The following ZEB1 variants were observed in gnomAD, a reference collection of about 807,000 sequenced individuals.
ZEB1 encodes the protein zinc finger E-box binding homeobox 1.
In ZEB1, 21 loss-of-function variants were observed where a neutral mutation model predicts 84.9. That is an observed-to-expected ratio of 0.25 (90% CI 0.18 to 0.36). The LOEUF is 0.36. Among genes scored for constraint, ZEB1 ranks in the 10% least tolerant of loss-of-function variants. The probability of loss-of-function intolerance (pLI) is 1.00; values close to 1 mark genes in which losing one functional copy is unlikely to be tolerated. For missense variants in ZEB1, 1,104 were observed against 1,330.2 expected (o/e 0.83, Z 2.65); for synonymous variants, 420 against 471.1 (o/e 0.89, Z 1.41).
At chr10:31,404,430 A>T (rs951142880) in intron 1 of ZEB1, among the ~76,000 whole-genome samples, 1 of 152,146 alleles carries the variant, frequency 6.6e-6, no homozygotes, top group East Asian at 1.9e-4. Context: ...GAAATCATTT[A>T]AAAAATATGT....
chr10:31,364,918 G>A (rs4016975), intron 1 of ZEB1, among the ~76,000 whole-genome samples: 1 of 152,134 alleles, frequency 6.6e-6, no homozygotes, highest in Non-Finnish European at 1.5e-5. Context: ...TTCAACATAC[G>A]AGTTGACCAT....
intron 1 of ZEB1, among the ~76,000 whole-genome samples, chr10:31,413,151 TA>T (rs2054608651): frequency 6.6e-6 from 1 of 152,152 alleles, no homozygotes; most frequent in East Asian, 1.9e-4. Flanking sequence ...ATATTAACTG[TA>T]AAAATGAAGT....
intron 1 of ZEB1, among the ~76,000 whole-genome samples, chr10:31,369,249 GA>G (rs1020775131): frequency 6.6e-5 from 10 of 151,900 alleles, no homozygotes; most frequent in African/African-American, 2.4e-4. Context: ...TTATTATTTT[GA>G]AATACTTAAA....
chr10:31,469,858 G>A (rs2062963245), intron 2 of ZEB1, among the ~76,000 whole-genome samples: 1 of 152,208 alleles, frequency 6.6e-6, no homozygotes, highest in African/African-American at 2.4e-5. Context: ...GTACGCAGCT[G>A]GAGATCTGAG....
At chr10:31,425,657 A>G (rs1591126973) in intron 1 of ZEB1, among the ~76,000 whole-genome samples, 1 of 152,260 alleles carries the variant, frequency 6.6e-6, no homozygotes, top group East Asian at 1.9e-4. Flanking sequence ...AGCATTAGTC[A>G]CCCACAAATT....
chr10:31,456,028 C>A (rs193157062), intron 1 of ZEB1, among the ~76,000 whole-genome samples: 172 of 152,260 alleles, frequency 1.1e-3, no homozygotes, highest in African/African-American at 4.0e-3. Flanking sequence ...CAATAATAGA[C>A]TGGATAAAGA....
At chr10:31,495,355 A>G (rs2067072293) in intron 2 of ZEB1, among the ~76,000 whole-genome samples, 1 of 152,084 alleles carries the variant, frequency 6.6e-6, no homozygotes, top group Non-Finnish European at 1.5e-5. Flanking sequence ...CAGTTTGCTT[A>G]TAATCCTAAA....
chr10:31,338,242 CATTTT>C (rs1408149854), intron 1 of ZEB1, among the ~76,000 whole-genome samples: 4 of 152,108 alleles, frequency 2.6e-5, no homozygotes, highest in Admixed American at 2.6e-4. Flanking sequence ...AGAATATTTA[CATTTT>C]ATTTTGTTTA....
At chr10:31,478,297 A>G (rs764050988) in intron 2 of ZEB1, among the ~76,000 whole-genome samples, 2 of 152,104 alleles carry the variant, frequency 1.3e-5, no homozygotes, top group Non-Finnish European at 2.9e-5. Flanking sequence ...TTGAAGCCAC[A>G]ATGAGATATT....
chr10:31,484,223 C>T (rs1422974822), intron 2 of ZEB1, among the ~76,000 whole-genome samples: 1 of 151,950 alleles, frequency 6.6e-6, no homozygotes, highest in East Asian at 1.9e-4. Context: ...CTGCAAAGTC[C>T]ATTTCACCAT....
At chr10:31,462,038 G>A (rs180965626) in intron 2 of ZEB1, among the ~76,000 whole-genome samples, 2 of 152,162 alleles carry the variant, frequency 1.3e-5, no homozygotes, top group Admixed American at 6.5e-5. Flanking sequence ...GCAATAAATC[G>A]AATCCAAGAC....
In ZEB1 at chr10:31,320,037, C is replaced by T. The variant is rs867847502; in HGVS notation, c.58+745C>T. On this transcript the variant is annotated intron_variant, in intron 1 of 8. Coordinates refer to ENST00000424869, the MANE Select transcript of ZEB1 (RefSeq NM_001174096.2). ...GGGACCCGCGGGCCGGGCGCGCTCG[C>T]GTAACGGGGATTAGAGGCGCGGGGG... 16 of 151,520 alleles carry T rather than the reference C, an allele frequency of 1.1e-4. 1 individual carries two copies. The South Asian group carries it at 3.2e-3, about 31-fold the overall frequency. The allele number at this position is 151,520 out of a possible 1,614,324, so 9.4% of individuals were successfully genotyped here.
At chr10:31,362,326 G>A (rs575964435) in intron 1 of ZEB1, among the ~76,000 whole-genome samples, 17 of 150,388 alleles carry the variant, frequency 1.1e-4, no homozygotes, top group Middle Eastern at 7.2e-3. Flanking sequence ...CGGACGGGGC[G>A]GTGGCCGAGC....
intron 1 of ZEB1, among the ~76,000 whole-genome samples, chr10:31,365,520 C>T (rs2044294257): frequency 6.6e-6 from 1 of 152,002 alleles, no homozygotes; most frequent in African/African-American, 2.4e-5. Flanking sequence ...CTGTACATAC[C>T]TTTTATTTAA....
intron 1 of ZEB1, among the ~76,000 whole-genome samples, chr10:31,420,601 C>T (rs1564797835): frequency 6.6e-6 from 1 of 152,152 alleles, no homozygotes; most frequent in Non-Finnish European, 1.5e-5. Context: ...TTGATAAACA[C>T]AAATAGCTGT....
rs747445413 is a variant in ZEB1, at chr10:31,337,368, G to A, written c.58+18076G>A. On this transcript the variant is annotated intron_variant, in intron 1 of 8. Transcript: ENST00000424869. ...GGATAATGTGTGTTTAAAAAAAAAC[G>A]ATGGTGGAACTCAGATATTTATTGT... is the stretch of plus-strand genomic sequence containing the variant. Among the ~76,000 whole-genome samples, 17 of 151,262 alleles carry A rather than the reference G, an allele frequency of 1.1e-4. 1 individual carries two copies. The highest frequency in any genetic ancestry group is 3.4e-4 in the African/African-American group (14 of 41,244).
At chr10:31,445,300 T>C (rs2059612273) in intron 1 of ZEB1, among the ~76,000 whole-genome samples, 1 of 149,586 alleles carries the variant, frequency 6.7e-6, no homozygotes, top group African/African-American at 2.5e-5. Flanking sequence ...GCTTATCAGC[T>C]TAAGGAGATT....
intron 1 of ZEB1, among the ~76,000 whole-genome samples, chr10:31,439,022 T>A (rs1331364815): frequency 6.6e-6 from 1 of 152,168 alleles, no homozygotes; most frequent in Non-Finnish European, 1.5e-5. Context: ...ATCTTTAAAA[T>A]TTTTTTAAAG....
chr10:31,513,271 G>A (rs1002521245), intron 5 of ZEB1, among the ~76,000 whole-genome samples: 1 of 152,060 alleles, frequency 6.6e-6, no homozygotes, highest in South Asian at 2.1e-4. Context: ...GAGTAAGAGG[G>A]TAATCAAGAA....
Sources: gnomAD v4.1 joint callset for allele counts (sites outside exome capture counted in the v4.1 genomes callset) on GRCh38, gnomAD v4.1.1 for gene constraint, MANE v1.5 for transcripts, NCBI Gene and HGNC (gene_info 2026-07-23, HGNC 2026-07-21) for gene names.